The following TNIK variants were observed in gnomAD, a reference collection of about 807,000 sequenced individuals.
The protein encoded by TNIK is TRAF2 and NCK interacting kinase.
TNIK carries 49 observed loss-of-function variants against 191.3 expected under a neutral mutation model. That is an observed-to-expected ratio of 0.26 (90% CI 0.20 to 0.32). The LOEUF (loss-of-function observed/expected upper bound fraction) is 0.32. Among genes scored for constraint, TNIK ranks in the 10% least tolerant of loss-of-function variants. The pLI is 1.00. For missense variants in TNIK, 1,155 were observed against 1,702.3 expected, an observed-to-expected ratio of 0.68 and a Z score of 5.66; for synonymous variants, 594 against 600.9, an observed-to-expected ratio of 0.99 and a Z score of 0.17.
chr3:171,448,319 T>G (rs886319176), intron 1 of TNIK, among the ~76,000 whole-genome samples: 3 of 152,192 alleles, frequency 2.0e-5, no homozygotes, highest in African/African-American at 7.2e-5. Flanking sequence ...CTACCTTCTA[T>G]CTCTATGGAT....
At chr3:171,102,748 CTCTT>C (rs1481911672) in intron 21 of TNIK, among the ~76,000 whole-genome samples, 3 of 152,158 alleles carry the variant, frequency 2.0e-5, no homozygotes, top group East Asian at 1.9e-4. Context: ...GCCATATTCT[CTCTT>C]TATTTCAATC....
At chr3:171,354,839 A>G (rs1037387959) in intron 2 of TNIK, among the ~76,000 whole-genome samples, 4 of 152,238 alleles carry the variant, frequency 2.6e-5, no homozygotes, top group African/African-American at 9.6e-5. Flanking sequence ...CAAAGAGCAC[A>G]TCTGACCATA....
intron 2 of TNIK, among the ~76,000 whole-genome samples, chr3:171,291,420 A>G (rs1751673155): frequency 6.6e-6 from 1 of 152,210 alleles, no homozygotes; most frequent in African/African-American, 2.4e-5. Context: ...TGTAGTGCAG[A>G]TCTGCTGATA....
intron 9 of TNIK, among the ~76,000 whole-genome samples, chr3:171,169,071 G>A (rs1457867238): frequency 6.6e-6 from 1 of 152,070 alleles, no homozygotes; most frequent in Non-Finnish European, 1.5e-5. Context: ...CACTCCTAAG[G>A]AATGAATTGA....
chr3:171,322,573 A>T (rs1222328248), intron 2 of TNIK, among the ~76,000 whole-genome samples: 1 of 152,178 alleles, frequency 6.6e-6, no homozygotes, highest in Non-Finnish European at 1.5e-5. Flanking sequence ...TCCTTTGATC[A>T]TTCCAAATTG....
chr3:171,394,579 A>T (rs935188018), intron 1 of TNIK, among the ~76,000 whole-genome samples: 3 of 152,222 alleles, frequency 2.0e-5, no homozygotes, highest in African/African-American at 7.2e-5. Context: ...GTTGAAGATC[A>T]AAACATAATT....
At chr3:171,131,933 G>C (rs928264618) in intron 15 of TNIK, among the ~76,000 whole-genome samples, 1 of 152,146 alleles carries the variant, frequency 6.6e-6, no homozygotes. Flanking sequence ...TATGTCTGCT[G>C]ACTGAACAGG....
At chr3:171,363,476 G>A (rs1244159662) in intron 2 of TNIK, among the ~76,000 whole-genome samples, 3 of 151,424 alleles carry the variant, frequency 2.0e-5, no homozygotes, top group African/African-American at 7.3e-5. Context: ...AAATGTGAAA[G>A]AATGTATTCT....
intron 1 of TNIK, among the ~76,000 whole-genome samples, chr3:171,379,537 C>T (rs976024382): frequency 6.6e-6 from 1 of 152,190 alleles, no homozygotes; most frequent in African/African-American, 2.4e-5. Context: ...CAAGCCCCAA[C>T]TGTGTGTTCA....
chr3:171,069,715 T>C (rs1718939371), intron 29 of TNIK, among the ~76,000 whole-genome samples: 1 of 152,246 alleles, frequency 6.6e-6, no homozygotes, highest in Non-Finnish European at 1.5e-5. Context: ...CAAGTGTTCC[T>C]CTGCCATTTT....
chr3:171,128,821 C>A lies in TNIK; in HGVS notation c.1666G>T (p.Ala556Ser), dbSNP rs1371986723. ...QSSPAMPHKV[A>S]NRISDPNLPP... ...AGGTTGGGGTCAGATATCCTGTTGG[C>A]AACCTTGTGAGGCATGGCAGGGGAA... Residue 556 changes from alanine to serine, a missense_variant, in exon 16 of 33, where the codon GCC becomes TCC. Transcript: ENST00000436636. The A allele has an allele frequency of 6.9e-6, 11 of 1,590,668 alleles. No homozygotes were observed. The highest frequency in any genetic ancestry group is 9.4e-6 in the Non-Finnish European group (11 of 1,170,494).
At chr3:171,350,595 T>TAAAAAAAAAAAAAA (rs71178208) in intron 2 of TNIK, among the ~76,000 whole-genome samples, 4 of 98,000 alleles carry the variant, frequency 4.1e-5, no homozygotes, top group Non-Finnish European at 5.6e-5. Context: ...GCTCTGTTGC[T>TAAAAAAAAAAAAAA]AAAAAAAAAA....
At chr3:171,209,616 A>C (rs1441094860) in intron 4 of TNIK, among the ~76,000 whole-genome samples, 1 of 152,112 alleles carries the variant, frequency 6.6e-6, no homozygotes, top group African/African-American at 2.4e-5. Context: ...CTTCATATTT[A>C]CATCTATTAT....
intron 2 of TNIK, among the ~76,000 whole-genome samples, chr3:171,263,594 T>C (rs1386595440): frequency 1.3e-5 from 2 of 152,198 alleles, no homozygotes; most frequent in African/African-American, 4.8e-5. Flanking sequence ...TATGCAATGA[T>C]GTATAAAACA....
At chr3:171,260,622 A>C (rs1747481431) in intron 2 of TNIK, among the ~76,000 whole-genome samples, 1 of 152,208 alleles carries the variant, frequency 6.6e-6, no homozygotes, top group African/African-American at 2.4e-5. Context: ...TGCTCTTGAG[A>C]AAACAAGGGG....
chr3:171,456,603 C>T (rs1463372856), intron 1 of TNIK, among the ~76,000 whole-genome samples: 1 of 152,154 alleles, frequency 6.6e-6, no homozygotes. Context: ...TGCAGGACAA[C>T]CATGTGTCCT....
At chr3:171,235,102 C>T (rs755519814) in intron 2 of TNIK, among the ~76,000 whole-genome samples, 1 of 152,080 alleles carries the variant, frequency 6.6e-6, no homozygotes, top group African/African-American at 2.4e-5. Flanking sequence ...AGTACAGTGG[C>T]GCTGTCTCGG....
intron 16 of TNIK, among the ~76,000 whole-genome samples, chr3:171,127,541 C>T (rs1337175420): frequency 6.6e-6 from 1 of 152,162 alleles, no homozygotes; most frequent in African/African-American, 2.4e-5. Flanking sequence ...TGGTTGTTCT[C>T]ATCAAGTACA....
intron 7 of TNIK, among the ~76,000 whole-genome samples, chr3:171,182,270 A>G (rs73171516): frequency 0.013 from 1,855 of 145,202 alleles, 24 homozygotes; most frequent in Middle Eastern, 0.078. Context: ...CTTGTAAGCT[A>G]CACTCAACTG....
Sources: allele counts gnomAD v4.1 joint callset (sites outside exome capture counted in the v4.1 genomes callset), GRCh38; gene constraint gnomAD v4.1.1; transcripts MANE v1.5; gene names NCBI Gene and HGNC (gene_info 2026-07-23, HGNC 2026-07-21).